Variants in BRDT observed in about 807,000 individuals in gnomAD.
BRDT encodes the protein bromodomain testis-specific protein.
Under a neutral mutation model 113.9 loss-of-function variants are expected in BRDT, and 77 were observed. The ratio of observed to expected loss-of-function variants is 0.68; its 90% CI spans 0.56 to 0.82. BRDT has a LOEUF of 0.82. Among genes scored for constraint, BRDT ranks in the 40% least tolerant of loss-of-function variants. The pLI is 0.00. For missense variants in BRDT, 1,027 were observed against 1,105.4 expected, an observed-to-expected ratio of 0.93 and a Z score of 1.01; for synonymous variants, 358 against 366.5, an observed-to-expected ratio of 0.98 and a Z score of 0.26.
At chr1:91,972,629 G>A (rs1337351727) in intron 4 of BRDT, among the ~76,000 whole-genome samples, 1 of 152,132 alleles carries the variant, frequency 6.6e-6, no homozygotes, top group Non-Finnish European at 1.5e-5. Context: ...ACTTAGGGGT[G>A]ACCAAAACAA....
chr1:91,991,357 C>T, intron 13 of BRDT, 112 bp downstream of exon 13: 1 of 510,552 alleles, frequency 2.0e-6, no homozygotes, highest in Non-Finnish European at 3.2e-6. Context: ...AGAAAGTTGT[C>T]ACTGTTTTTA....
intron 1 of BRDT, chr1:91,950,273 A>C (rs56015446): frequency 0.059 from 8,924 of 152,212 alleles, 307 homozygotes; most frequent in Non-Finnish European, 0.087. Context: ...ACATAATGAA[A>C]TGCCCATCTC....
chr1:91,954,961 A>G (rs1681577522), intron 1 of BRDT, among the ~76,000 whole-genome samples: 1 of 152,142 alleles, frequency 6.6e-6, no homozygotes, highest in Non-Finnish European at 1.5e-5. Context: ...ACCCTGTCTG[A>G]ACAAAACAAA....
At chr1:91,953,354 A>T (rs1194002959) in intron 1 of BRDT, among the ~76,000 whole-genome samples, 1 of 152,150 alleles carries the variant, frequency 6.6e-6, no homozygotes, top group Non-Finnish European at 1.5e-5. Context: ...CAATTTAATA[A>T]CTGATTACAG....
intron 18 of BRDT, among the ~76,000 whole-genome samples, chr1:92,012,248 G>A (rs1312369455): frequency 6.7e-6 from 1 of 150,064 alleles, no homozygotes; most frequent in Non-Finnish European, 1.5e-5. Flanking sequence ...AGTGAGCCGA[G>A]ATCACGCCAC....
At chr1:91,992,539 T>TTTG (rs564867837) in intron 14 of BRDT, among the ~76,000 whole-genome samples, 6 of 152,122 alleles carry the variant, frequency 3.9e-5, no homozygotes, top group Non-Finnish European at 7.4e-5. Flanking sequence ...ATATATATAT[T>TTTG]TTGTTGTTGT....
At chr1:91,967,475 C>A (rs548403433) in intron 3 of BRDT, among the ~76,000 whole-genome samples, 5 of 151,738 alleles carry the variant, frequency 3.3e-5, no homozygotes, top group African/African-American at 1.2e-4. Context: ...CTCAGCTCAC[C>A]TCAACCTCTG....
At chr1:91,962,018 G>C (rs980057337) in intron 1 of BRDT, among the ~76,000 whole-genome samples, 5 of 150,872 alleles carry the variant, frequency 3.3e-5, no homozygotes, top group Admixed American at 1.3e-4. Flanking sequence ...AGTGGAGGGC[G>C]CCTGTAGTCC....
At chr1:92,001,426 T>G (rs952315826) in intron 15 of BRDT, among the ~76,000 whole-genome samples, 7 of 152,216 alleles carry the variant, frequency 4.6e-5, no homozygotes, top group Non-Finnish European at 1.0e-4. Context: ...CCAGCCACAA[T>G]GGCTCATGCC....
chr1:91,990,319 T>C (rs1685642574), intron 12 of BRDT, among the ~76,000 whole-genome samples: 1 of 152,232 alleles, frequency 6.6e-6, no homozygotes, highest in Non-Finnish European at 1.5e-5. Context: ...TTTAATCAGA[T>C]AGAATCTTTA....
At chr1:91,981,844 T>A in intron 12 of BRDT, 89 bp downstream of exon 12, 2 of 1,414,722 alleles carry the variant, frequency 1.4e-6, no homozygotes, top group Middle Eastern at 2.0e-4. Context: ...TATTTGTTAC[T>A]TACCCAGAAT....
At chr1:91,989,832 G>T (rs1433386499) in intron 12 of BRDT, among the ~76,000 whole-genome samples, 1 of 152,186 alleles carries the variant, frequency 6.6e-6, no homozygotes, top group Non-Finnish European at 1.5e-5. Flanking sequence ...ATTAAAGGAT[G>T]TCATTGAGTG....
Position 92,014,229 on chromosome 1 carries a change from C to G in BRDT, c.2799C>G (p.Thr933=). The change falls in exon 19 of 19, where the codon ACC becomes ACG. Residue 933 remains threonine (T), a synonymous_variant. Transcript: ENST00000399546. ...AGATGGTGGGTACCATTGATATGAC[C>G]CTTCAAAGTGACATTATGACAATGT... ...REAMVGTIDM[T]LQSDIMTMFE... 1.3e-6 allele frequency: 2 copies of G among 1,588,764 alleles called. No homozygotes were observed. The highest frequency in any genetic ancestry group is 1.7e-6 in the Non-Finnish European group (2 of 1,172,044).
Position 92,004,377 on chromosome 1 carries a change from A to G in BRDT, c.2389-37A>G, listed in dbSNP as rs368721619. Reference sequence around the variant, plus strand: ...TTCTTCCTTCCAAAATTTGGTTAACATCTGTAGACATAGACTGAACCAAAT... The same window carrying G: ...TTCTTCCTTCCAAAATTTGGTTAACGTCTGTAGACATAGACTGAACCAAAT... On this transcript the variant is annotated intron_variant, in intron 16 of 18. Transcript: ENST00000399546. 1.9e-5 allele frequency: 29 copies of G among 1,502,486 alleles called. No individual in the cohort carries two copies. The African/African-American group carries it at 3.7e-4, about 19-fold the overall frequency. The allele number at this position is 1,502,486 out of a possible 1,614,324, so 93.1% of individuals were successfully genotyped here.
intron 3 of BRDT, among the ~76,000 whole-genome samples, chr1:91,966,434 G>C (rs918640443): frequency 1.3e-5 from 2 of 152,108 alleles, no homozygotes; most frequent in South Asian, 4.1e-4. Flanking sequence ...GACTCACTGT[G>C]TTGCCTAGGC....
At chr1:91,954,286 T>C (rs1200171188) in intron 1 of BRDT, among the ~76,000 whole-genome samples, 1 of 146,810 alleles carries the variant, frequency 6.8e-6, no homozygotes, top group Admixed American at 6.9e-5. Context: ...TTTTTTTTTT[T>C]TTTTTTTTTT....
At chr1:91,972,890 G>GT (rs890232365) in intron 4 of BRDT, among the ~76,000 whole-genome samples, 19 of 152,276 alleles carry the variant, frequency 1.2e-4, no homozygotes, top group African/African-American at 3.8e-4. Flanking sequence ...TCCTGAGTTT[G>GT]TTTTGCAAGA....
At chr1:91,963,945 C>T (rs753002323) in intron 2 of BRDT, among the ~76,000 whole-genome samples, 4 of 151,964 alleles carry the variant, frequency 2.6e-5, no homozygotes, top group African/African-American at 7.3e-5. Context: ...GATCTCTGAC[C>T]GCTGCAACCT....
intron 15 of BRDT, among the ~76,000 whole-genome samples, chr1:91,995,880 C>T (rs560835208): frequency 2.0e-5 from 3 of 152,144 alleles, no homozygotes; most frequent in African/African-American, 2.4e-5. Context: ...TCAGATGATC[C>T]GCTTGCCTCA....
Sources: allele counts gnomAD v4.1 joint callset (sites outside exome capture counted in the v4.1 genomes callset), GRCh38; gene constraint gnomAD v4.1.1; transcripts MANE v1.5; gene names NCBI Gene and HGNC (gene_info 2026-07-23, HGNC 2026-07-21).